CRTAC1: variants seen among roughly 807,000 people sequenced by gnomAD.
CRTAC1 encodes the protein cartilage acidic protein 1, also known as acidic secreted protein in cartilage.
CRTAC1 carries 37 observed loss-of-function variants against 67.8 expected under a neutral mutation model. The observed-to-expected ratio is 0.55, with a 90% CI of 0.42 to 0.72. The LOEUF (loss-of-function observed/expected upper bound fraction) is 0.72, where lower values mean the gene tolerates loss of function less well. Ranked by LOEUF, CRTAC1 falls within the 30% of genes least tolerant of loss-of-function variation. CRTAC1 has a pLI of 0.00. For missense variants in CRTAC1, 780 were observed against 931.6 expected (o/e 0.84, Z 2.12); for synonymous variants, 348 against 371.0 (o/e 0.94, Z 0.71).
intron 7 of CRTAC1, among the ~76,000 whole-genome samples, chr10:97,902,491 T>C (rs1275219597): frequency 6.6e-6 from 1 of 152,346 alleles, no homozygotes; most frequent in African/African-American, 2.4e-5. Flanking sequence ...AGGCCCAGGA[T>C]AGCCCAGCTG....
At chr10:98,004,371 T>A (rs931021254) in intron 2 of CRTAC1, among the ~76,000 whole-genome samples, 7 of 152,208 alleles carry the variant, frequency 4.6e-5, no homozygotes, top group Non-Finnish European at 8.8e-5. Flanking sequence ...TAAATCTACA[T>A]TGACAAAGTT....
rs561183305 is a variant in CRTAC1 at position 97,901,961 on chromosome 10, G to A, written c.997-322C>T. ...CAGACATTAGCCTTCCCATTTGACG[G>A]GTGAGGTAACTGAGTCCTGGAGAAG... On this transcript the variant is annotated intron_variant, in intron 7 of 14. Transcript: ENST00000370597. Among the ~76,000 whole-genome samples, 13 of 152,276 alleles carry A rather than the reference G, an allele frequency of 8.5e-5. No homozygotes were observed. In the East Asian group the frequency reaches 2.5e-3, roughly 29 times the overall value.
chr10:97,884,397 G>A (rs998624997), intron 11 of CRTAC1, 46 bp from the exon 12 acceptor site: 1 of 1,495,844 alleles, frequency 6.7e-7, no homozygotes, highest in African/African-American at 1.4e-5. Context: ...GAGAGCAGGA[G>A]GCTCTCAGCG....
intron 3 of CRTAC1, among the ~76,000 whole-genome samples, chr10:97,931,640 A>G (rs956846539): frequency 6.6e-6 from 1 of 152,260 alleles, no homozygotes; most frequent in African/African-American, 2.4e-5. Flanking sequence ...TTATTAGAGC[A>G]GTGCTCTGCA....
At chr10:97,968,390 G>A (rs552830193) in intron 2 of CRTAC1, among the ~76,000 whole-genome samples, 7 of 152,230 alleles carry the variant, frequency 4.6e-5, no homozygotes, top group East Asian at 1.9e-4. Flanking sequence ...TTTCAGGCAC[G>A]TGCCACCATG....
At chr10:97,940,845 G>T (rs868155438) in intron 2 of CRTAC1, among the ~76,000 whole-genome samples, 36 of 152,182 alleles carry the variant, frequency 2.4e-4, no homozygotes, top group African/African-American at 8.4e-4. Context: ...ACAATCAGAA[G>T]TTCTTATCAT....
intron 11 of CRTAC1, among the ~76,000 whole-genome samples, chr10:97,890,261 C>T (rs1298111780): frequency 2.0e-5 from 3 of 149,994 alleles, no homozygotes; most frequent in African/African-American, 4.9e-5. Flanking sequence ...GGACTATAGG[C>T]TTGCACCACC....
intron 2 of CRTAC1, among the ~76,000 whole-genome samples, chr10:97,951,209 T>A (rs2051350734): frequency 6.6e-6 from 1 of 152,210 alleles, no homozygotes; most frequent in Non-Finnish European, 1.5e-5. Flanking sequence ...GGATATCCCA[T>A]CCCAGTGGCA....
At chr10:98,013,466 C>A (rs761146061) in intron 1 of CRTAC1, among the ~76,000 whole-genome samples, 2 of 152,114 alleles carry the variant, frequency 1.3e-5, no homozygotes, top group Non-Finnish European at 2.9e-5. Flanking sequence ...AGAAGACATA[C>A]GAAAGAAGTA....
At chr10:98,010,041 CTT>C (rs568415966) in intron 2 of CRTAC1, among the ~76,000 whole-genome samples, 56 of 137,486 alleles carry the variant, frequency 4.1e-4, no homozygotes, top group Non-Finnish European at 3.8e-4. Context: ...AATGCACAAT[CTT>C]TTTTTTTTTT....
chr10:97,960,381 A>G lies in CRTAC1; in HGVS notation c.225-24015T>C, dbSNP rs142579864. On this transcript the variant is annotated intron_variant, in intron 2 of 14. Transcript: ENST00000370597. ...TAAACACCAGCCTCCTCCAAGTCAA[A>G]CTGGAAACCCTCTTGGAAAATGAAG... 3.6e-3 allele frequency among the ~76,000 whole-genome samples: 542 copies of G among 152,324 alleles called. 3 individuals carry two copies. The highest frequency in any genetic ancestry group is 0.012 in the African/African-American group (486 of 41,576).
At chr10:98,017,562 C>T (rs1843024125) in intron 1 of CRTAC1, among the ~76,000 whole-genome samples, 1 of 152,098 alleles carries the variant, frequency 6.6e-6, no homozygotes, top group African/African-American at 2.4e-5. Context: ...GAGATAGGGT[C>T]TCACTCTGTC....
chr10:98,009,559 G>A (rs904713136), intron 2 of CRTAC1, among the ~76,000 whole-genome samples: 1 of 152,214 alleles, frequency 6.6e-6, no homozygotes, highest in Admixed American at 6.5e-5. Context: ...AGGAAAGTGG[G>A]TCTGTGTAAA....
intron 5 of CRTAC1, among the ~76,000 whole-genome samples, chr10:97,913,942 C>T (rs1292045223): frequency 6.6e-6 from 1 of 152,254 alleles, no homozygotes; most frequent in Admixed American, 6.5e-5. Context: ...CAGATCTGCC[C>T]TCCGCTTTGT....
chr10:98,006,196 G>T lies in CRTAC1; in HGVS notation c.224+4942C>A, dbSNP rs144154171. Among the ~76,000 whole-genome samples the T allele has an allele frequency of 4.2e-3, 635 of 152,334 alleles. 3 individuals are homozygous for T. The highest frequency in any genetic ancestry group is 7.7e-3 in the Non-Finnish European group (522 of 68,032). ...TGACACCAACAGGAATTCCTTTCCAGAATCTGTGAGACTGTAGATTGGGTG... is the reference window on the plus strand; with the variant it reads ...TGACACCAACAGGAATTCCTTTCCATAATCTGTGAGACTGTAGATTGGGTG... On this transcript the variant is annotated intron_variant, in intron 2 of 14. Coordinates refer to ENST00000370597, the MANE Select transcript of CRTAC1 (RefSeq NM_018058.7).
chr10:97,999,105 C>T lies in CRTAC1; in HGVS notation c.224+12033G>A, dbSNP rs527972044. On this transcript the variant is annotated intron_variant, in intron 2 of 14. Transcript: ENST00000370597. ...GGGAGGTGCAGCTGCAGGCCCAGGC[C>T]TCCCACTCCACGAAGAAGGCAGGAG... Among the ~76,000 whole-genome samples the T allele has an allele frequency of 1.1e-3, 167 of 152,348 alleles. 1 individual carries two copies. Among genetic ancestry groups the T allele is most frequent in the African/African-American group, 3.9e-3 (161 of 41,586 alleles).
At chr10:97,909,256 C>G (rs1043764914) in intron 5 of CRTAC1, among the ~76,000 whole-genome samples, 2 of 152,100 alleles carry the variant, frequency 1.3e-5, no homozygotes, top group African/African-American at 4.8e-5. Context: ...GGCCCCACCT[C>G]CAGCTCCCAG....
chr10:97,941,983 G>T (rs2051184130), intron 2 of CRTAC1, among the ~76,000 whole-genome samples: 1 of 152,088 alleles, frequency 6.6e-6, no homozygotes, highest in Admixed American at 6.6e-5. Flanking sequence ...ATTCTGGCAA[G>T]TGCTTCCCAA....
At chr10:97,956,272 T>C (rs2051439382) in intron 2 of CRTAC1, among the ~76,000 whole-genome samples, 1 of 152,252 alleles carries the variant, frequency 6.6e-6, no homozygotes, top group African/African-American at 2.4e-5. Flanking sequence ...AAGCACTTTA[T>C]ATGCATGTTC....
Sources: gnomAD v4.1 joint callset for allele counts (sites outside exome capture counted in the v4.1 genomes callset) on GRCh38, gnomAD v4.1.1 for gene constraint, MANE v1.5 for transcripts, NCBI Gene and HGNC (gene_info 2026-07-23, HGNC 2026-07-21) for gene names.